GNA14: variants seen among roughly 807,000 people sequenced by gnomAD.
GNA14 encodes the protein G protein subunit alpha 14.
In GNA14, 50 loss-of-function variants were observed where a neutral mutation model predicts 42.0. The observed-to-expected ratio is 1.19, with a 90% CI of 0.95 to 1.51. The LOEUF (loss-of-function observed/expected upper bound fraction) is 1.51, where lower values mean the gene tolerates loss of function less well. Ranked by LOEUF, GNA14 falls within the 40% of genes most tolerant of loss-of-function variation. The pLI is 0.00. For missense variants in GNA14, 473 were observed against 446.2 expected (o/e 1.06, Z -0.54); for synonymous variants, 173 against 163.1 (o/e 1.06, Z -0.46).
Position 77,425,688 on chromosome 9 carries a change from A to G in GNA14, c.751T>C (p.Phe251Leu). The G allele has an allele frequency of 6.2e-7, 1 of 1,611,154 alleles. No individual in the cohort carries two copies. Among genetic ancestry groups the G allele is most frequent in the Non-Finnish European group, 8.5e-7 (1 of 1,177,872 alleles). The change falls in exon 6 of 7, where the codon TTT becomes CTT. Residue 251 changes from phenylalanine (F) to leucine (L), a missense_variant. Phe to Leu is a conservative substitution (Grantham distance 22). Transcript: ENST00000341700. ...ENRMEESKAL[F>L]KTIITYPWFL... Reference sequence around the variant, plus strand: ...CAGGGGTAGGTGATGATGGTTTTAAATAAGGCTTTGCTCTCTTCCATGCGA... The same window carrying G: ...CAGGGGTAGGTGATGATGGTTTTAAGTAAGGCTTTGCTCTCTTCCATGCGA...
intron 2 of GNA14, among the ~76,000 whole-genome samples, chr9:77,523,389 A>AG (rs1172461682): frequency 1.3e-5 from 2 of 152,014 alleles, no homozygotes; most frequent in Non-Finnish European, 2.9e-5. Flanking sequence ...GGGAGGGAGG[A>AG]GGTGCCACAC....
intron 2 of GNA14, among the ~76,000 whole-genome samples, chr9:77,489,497 A>G (rs1383038183): frequency 6.6e-6 from 1 of 152,254 alleles, no homozygotes; most frequent in Admixed American, 6.5e-5. Flanking sequence ...AAAGCAAAGG[A>G]CAAGTGTGTC....
intron 1 of GNA14, among the ~76,000 whole-genome samples, chr9:77,536,310 G>A (rs1453076276): frequency 6.6e-6 from 1 of 152,120 alleles, no homozygotes; most frequent in African/African-American, 2.4e-5. Flanking sequence ...GAACAACGGA[G>A]CAGAATTCAA....
At chr9:77,510,297 G>A (rs139659844) in intron 2 of GNA14, among the ~76,000 whole-genome samples, 43 of 152,132 alleles carry the variant, frequency 2.8e-4, no homozygotes, top group African/African-American at 8.4e-4. Flanking sequence ...TTGTGTCAGC[G>A]CTTATTATTG....
chr9:77,563,021 T>G (rs1288504300), intron 1 of GNA14, among the ~76,000 whole-genome samples: 1 of 152,164 alleles, frequency 6.6e-6, no homozygotes, highest in Admixed American at 6.6e-5. Context: ...CGTTATTAAA[T>G]TTCCAGCAAC....
At chr9:77,589,939 T>G (rs1319674031) in intron 1 of GNA14, among the ~76,000 whole-genome samples, 1 of 152,160 alleles carries the variant, frequency 6.6e-6, no homozygotes, top group Admixed American at 6.5e-5. Flanking sequence ...TGTTTTGAGA[T>G]AGAGTCTTGC....
intron 1 of GNA14, among the ~76,000 whole-genome samples, chr9:77,614,466 A>AT (rs577377192): frequency 1.3e-5 from 2 of 152,114 alleles, no homozygotes; most frequent in Non-Finnish European, 2.9e-5. Context: ...ATGCTGCATA[A>AT]TTTTGCCACT....
intron 3 of GNA14, among the ~76,000 whole-genome samples, chr9:77,432,055 G>A (rs578156685): frequency 6.0e-5 from 9 of 149,218 alleles, no homozygotes; most frequent in Non-Finnish European, 1.3e-4. Flanking sequence ...ATATATTGAA[G>A]CCCTGAGCTT....
intron 5 of GNA14, 48 bp downstream of exon 5, chr9:77,428,859 G>A (rs778076931): frequency 1.9e-6 from 3 of 1,597,210 alleles, no homozygotes; most frequent in South Asian, 1.1e-5. Context: ...AGAAACCACA[G>A]AATAGGCTCT....
At chr9:77,484,253 T>A (rs1438787810) in intron 2 of GNA14, among the ~76,000 whole-genome samples, 1 of 152,126 alleles carries the variant, frequency 6.6e-6, no homozygotes, top group Middle Eastern at 3.4e-3. Context: ...AGAGAAAAAA[T>A]GGAATTTATA....
intron 2 of GNA14, among the ~76,000 whole-genome samples, chr9:77,484,056 C>G (rs1229741770): frequency 1.3e-5 from 2 of 152,160 alleles, no homozygotes; most frequent in Non-Finnish European, 2.9e-5. Context: ...TCCCATGCCC[C>G]TTTTCTTTGG....
intron 1 of GNA14, among the ~76,000 whole-genome samples, chr9:77,545,078 C>T (rs1236826040): frequency 6.6e-6 from 1 of 152,106 alleles, no homozygotes; most frequent in Admixed American, 6.6e-5. Flanking sequence ...AAAAAAGAAG[C>T]TCTAAAAAGA....
intron 1 of GNA14, among the ~76,000 whole-genome samples, chr9:77,557,635 T>C (rs1332060880): frequency 1.3e-5 from 2 of 152,240 alleles, no homozygotes; most frequent in East Asian, 3.9e-4. Flanking sequence ...ATAAATGCTA[T>C]AAGGAAGAAA....
chr9:77,627,155 C>T (rs1824024592), intron 1 of GNA14, among the ~76,000 whole-genome samples: 1 of 152,150 alleles, frequency 6.6e-6, no homozygotes, highest in Non-Finnish European at 1.5e-5. Flanking sequence ...AATTCCTGGA[C>T]ACATACACCC....
chr9:77,546,395 AC>A (rs1047281807), intron 1 of GNA14, among the ~76,000 whole-genome samples: 5 of 151,916 alleles, frequency 3.3e-5, no homozygotes, highest in African/African-American at 1.2e-4. Context: ...GTTTGTGCCT[AC>A]TCAACTTTTT....
chr9:77,538,991 G>A (rs1006687542), intron 1 of GNA14, among the ~76,000 whole-genome samples: 2 of 152,158 alleles, frequency 1.3e-5, no homozygotes, highest in Non-Finnish European at 2.9e-5. Flanking sequence ...CAATTTGGAT[G>A]CCTTTGATTT....
chr9:77,607,497 G>A (rs1424984025), intron 1 of GNA14, among the ~76,000 whole-genome samples: 1 of 152,184 alleles, frequency 6.6e-6, no homozygotes, highest in African/African-American at 2.4e-5. Context: ...GTCCTCTGCA[G>A]ATAACCTTCA....
intron 2 of GNA14, among the ~76,000 whole-genome samples, chr9:77,528,118 C>T (rs1396031919): frequency 2.0e-5 from 3 of 152,126 alleles, no homozygotes; most frequent in Non-Finnish European, 4.4e-5. Flanking sequence ...GAAATTTAAA[C>T]TGATTGCTTT....
intron 1 of GNA14, among the ~76,000 whole-genome samples, chr9:77,552,539 T>C (rs1276763474): frequency 6.6e-6 from 1 of 152,148 alleles, no homozygotes; most frequent in African/African-American, 2.4e-5. Flanking sequence ...TTATGATATA[T>C]TATTTATAAC....
Sources: gnomAD v4.1 joint callset for allele counts (sites outside exome capture counted in the v4.1 genomes callset) on GRCh38, gnomAD v4.1.1 for gene constraint, MANE v1.5 for transcripts, NCBI Gene and HGNC (gene_info 2026-07-23, HGNC 2026-07-21) for gene names.